The following GABPA variants were observed in gnomAD, a reference collection of about 807,000 sequenced individuals.
The protein encoded by GABPA is GA binding protein transcription factor subunit alpha.
Under a neutral mutation model 59.4 loss-of-function variants are expected in GABPA, and 4 were observed. The observed-to-expected ratio is 0.07, with a 90% CI of 0.03 to 0.15. The LOEUF (loss-of-function observed/expected upper bound fraction) is 0.15, where lower values mean the gene tolerates loss of function less well. Ranked by LOEUF, GABPA falls within the 10% of genes least tolerant of loss-of-function variation. The pLI, the probability that GABPA is intolerant of heterozygous loss-of-function variation, is 1.00. For missense variants in GABPA, 251 were observed against 543.8 expected, an observed-to-expected ratio of 0.46 and a Z score of 5.36; for synonymous variants, 164 against 183.1, an observed-to-expected ratio of 0.90 and a Z score of 0.84.
chr21:25,751,966 A>T (rs1397923442), intron 4 of GABPA, 23 bp from the exon 5 acceptor site: 10 of 1,590,654 alleles, frequency 6.3e-6, no homozygotes, highest in Non-Finnish European at 6.9e-6. Flanking sequence ...TAGATTTACA[A>T]TTTTTTTTTA....
chr21:25,763,417 G>A (rs2035812636), intron 7 of GABPA: 1 of 205,996 alleles, frequency 4.9e-6, no homozygotes, highest in South Asian at 8.5e-5. Context: ...GATACACAAA[G>A]AAAGTATAAC....
chr21:25,759,820 T>C (rs1456019863), intron 6 of GABPA, among the ~76,000 whole-genome samples: 1 of 152,196 alleles, frequency 6.6e-6, no homozygotes, highest in Admixed American at 6.5e-5. Context: ...CACTTTCTTA[T>C]AAGAAATCTC....
At chr21:25,740,649 G>C (rs1303663214) in intron 1 of GABPA, among the ~76,000 whole-genome samples, 1 of 152,104 alleles carries the variant, frequency 6.6e-6, no homozygotes, top group Non-Finnish European at 1.5e-5. Context: ...TTTTACATGG[G>C]ATAATTAAAA....
Position 25,769,227 on chromosome 21 carries a change from A to G in GABPA, c.1360A>G (p.Asn454Asp), listed in dbSNP as rs1430038156. The change falls in exon 10 of 10, where the codon AAT becomes GAT. Residue 454 changes from asparagine to aspartate, a missense_variant. Asn to Asp is a conservative substitution (Grantham distance 23, BLOSUM62 1). Coordinates refer to ENST00000400075, the MANE Select transcript of GABPA (RefSeq NM_002040.4). ...ATASLQTEKD[N>D] ...TGCTTCTCTGCAAACGGAAAAGGAT[A>G]ATTGAGCCCCAGGACATTCTGAGAC... The G allele has an allele frequency of 3.8e-6, 6 of 1,588,830 alleles. No individual in the cohort carries two copies. The highest frequency in any genetic ancestry group is 5.2e-6 in the Non-Finnish European group (6 of 1,157,316).
At chr21:25,745,957 A>T (rs963243280) in intron 3 of GABPA, among the ~76,000 whole-genome samples, 48 of 152,180 alleles carry the variant, frequency 3.2e-4, no homozygotes, top group African/African-American at 1.2e-3. Flanking sequence ...GATTGCCCAT[A>T]CAGTTTTCCA....
At chr21:25,745,165 AGGGT>A in intron 2 of GABPA, 41 bp from the exon 3 acceptor site, 1 of 1,596,262 alleles carries the variant, frequency 6.3e-7, no homozygotes, top group Non-Finnish European at 8.5e-7. Context: ...TTTGAAATCC[AGGGT>A]AAAAAATGTA....
Position 25,771,935 on chromosome 21 carries a change from G to T in GABPA, c.*2703G>T, listed in dbSNP as rs1214893330. 1 of 151,984 alleles carries T rather than the reference G, an allele frequency of 6.6e-6. No individual in the cohort carries two copies. Among genetic ancestry groups the T allele is most frequent in the African/African-American group, 2.4e-5 (1 of 41,426 alleles). 9.4% of individuals were successfully genotyped at this position (151,984 alleles called of 1,614,324 possible). ...AAATTGACTGATCACAGTTATTTTTGTATCAGTCTATGTTATTAGGAAAAA... is the reference window on the plus strand; with the variant it reads ...AAATTGACTGATCACAGTTATTTTTTTATCAGTCTATGTTATTAGGAAAAA... On this transcript the variant is annotated 3_prime_UTR_variant, in exon 10 of 10. Coordinates refer to ENST00000400075, the MANE Select transcript of GABPA (RefSeq NM_002040.4).
At position 25,762,301 on chromosome 21, in the gene GABPA, GT is replaced by G; in HGVS notation, c.749-4del. 6.6e-7 allele frequency: 1 copy of G among 1,518,398 alleles called. No homozygotes were observed. The highest frequency in any genetic ancestry group is 8.9e-7 in the Non-Finnish European group (1 of 1,121,602). 94.1% of individuals were successfully genotyped at this position (1,518,398 alleles called of 1,614,324 possible). ...TTTTAAATAAAAACAAAAAATTTTT[GT>G]TTTTTTCAGATGTATTGGCAAGTCA... On this transcript the variant is annotated splice_polypyrimidine_tract_variant and intron_variant, in intron 6 of 9. Transcript: ENST00000400075.
At position 25,735,095 on chromosome 21, in the gene GABPA, A is replaced by C; in HGVS notation, c.-510A>C. 3 of 830,336 alleles carry C rather than the reference A, an allele frequency of 3.6e-6. No individual in the cohort carries two copies. The highest frequency in any genetic ancestry group is 6.0e-6 in the Non-Finnish European group (3 of 503,588). 51.4% of individuals were successfully genotyped at this position (830,336 alleles called of 1,614,324 possible). On this transcript the variant is annotated 5_prime_UTR_variant, in exon 1 of 10. Transcript: ENST00000400075. Reference sequence around the variant, plus strand: ...GGTAAGTGCTTCCGGGTCCCCTGGCACAGCCTCCGCCATCTTTTCTTCGCC... The same window carrying C: ...GGTAAGTGCTTCCGGGTCCCCTGGCCCAGCCTCCGCCATCTTTTCTTCGCC...
chr21:25,765,467 TCA>T (rs912209822), intron 9 of GABPA, among the ~76,000 whole-genome samples: 1 of 151,828 alleles, frequency 6.6e-6, no homozygotes, highest in East Asian at 1.9e-4. Flanking sequence ...ATAATTTAGC[TCA>T]CACACACACA....
rs537398391 is a variant in GABPA, at chr21:25,735,132, G to C, written c.-473G>C. 5 of 690,158 alleles carry C rather than the reference G, an allele frequency of 7.2e-6. No individual in the cohort carries two copies. In the East Asian group the frequency reaches 1.1e-4, roughly 15 times the overall value. The allele number at this position is 690,158 out of a possible 1,614,324, so 42.8% of individuals were successfully genotyped here. On this transcript the variant is annotated 5_prime_UTR_variant, in exon 1 of 10. Coordinates refer to ENST00000400075, the MANE Select transcript of GABPA (RefSeq NM_002040.4). ...ATCTTTTCTTCGCCTAATTTGACCCGTTCTTTTTCCCCTCCTTGAAACCTT... is the reference window on the plus strand; with the variant it reads ...ATCTTTTCTTCGCCTAATTTGACCCCTTCTTTTTCCCCTCCTTGAAACCTT...
rs2035221811 is a variant in GABPA, at chr21:25,741,556, A to G, written c.-26-17A>G. 1 of 1,375,226 alleles carries G rather than the reference A, an allele frequency of 7.3e-7. No homozygotes were observed. The highest frequency in any genetic ancestry group is 1.5e-5 in the African/African-American group (1 of 68,238). 85.2% of individuals were successfully genotyped at this position (1,375,226 alleles called of 1,614,324 possible). On this transcript the variant is annotated splice_polypyrimidine_tract_variant and intron_variant, in intron 1 of 9. Transcript: ENST00000400075. The stretch of plus-strand genomic sequence containing the variant: ...ATGTGGATAGTTTTAAAATATCTTA[A>G]AAAGTCACTCTTGCAGGACTGATCC...
At position 25,764,751 on chromosome 21, in the gene GABPA, C is replaced by T; in HGVS notation, c.1100C>T (p.Pro367Leu). 1 of 1,602,962 alleles carries T rather than the reference C, an allele frequency of 6.2e-7. No individual in the cohort carries two copies. The highest frequency in any genetic ancestry group is 8.5e-7 in the Non-Finnish European group (1 of 1,176,802). ...AQKWGQRKNK[P>L]TMNYEKLSRA... ...AAATGGGGACAGCGTAAAAATAAGC[C>T]TACGATGAACTATGAGAAACTCAGT... The change falls in exon 9 of 10, where the codon CCT becomes CTT. Residue 367 changes from proline to leucine, a missense_variant. Pro to Leu is a moderately conservative substitution (Grantham distance 98). Around this residue, in one of 4 missense-constraint regions of GABPA, gnomAD observed 21 missense variants for 79.8 expected, o/e 0.26. Transcript: ENST00000400075.
rs887192030 is a variant in GABPA at position 25,771,309 on chromosome 21, A to G, written c.*2077A>G. The G allele has an allele frequency of 2.0e-5, 3 of 151,030 alleles. No homozygotes were observed. The highest frequency in any genetic ancestry group is 7.3e-5 in the African/African-American group (3 of 41,314). The allele number at this position is 151,030 out of a possible 1,614,324, so 9.4% of individuals were successfully genotyped here. ...ACATTACTTTTAGATCCCTAGAATG[A>G]AAATTTTTTTCTCATCTATGCAATT... is the stretch of plus-strand genomic sequence containing the variant. On this transcript the variant is annotated 3_prime_UTR_variant, in exon 10 of 10. Transcript: ENST00000400075.
At chr21:25,744,838 G>A (rs1267849602) in intron 2 of GABPA, among the ~76,000 whole-genome samples, 1 of 152,066 alleles carries the variant, frequency 6.6e-6, no homozygotes, top group Non-Finnish European at 1.5e-5. Context: ...ATGGCATACA[G>A]ATTTTGAGGA....
Position 25,769,013 on chromosome 21 carries a change from C to T in GABPA, c.1146C>T (p.Tyr382=), listed in dbSNP as rs1294087428. Residue 382 remains tyrosine (Y), a synonymous_variant, in exon 10 of 10, where the codon TAC becomes TAT. Transcript: ENST00000400075. ...TTTTCTCTTTTTGAAGATATTATTA[C>T]GATGGGGACATGATTTGTAAAGTTC... The part of the protein sequence containing the change: ...EKLSRALRYY[Y]DGDMICKVQG... 1.6e-5 allele frequency: 26 copies of T among 1,607,616 alleles called. No homozygotes were observed. Among genetic ancestry groups the T allele is most frequent in the South Asian group, 7.7e-5 (7 of 90,334 alleles).
At chr21:25,767,355 A>G (rs1440499105) in intron 9 of GABPA, among the ~76,000 whole-genome samples, 1 of 152,038 alleles carries the variant, frequency 6.6e-6, no homozygotes, top group Non-Finnish European at 1.5e-5. Context: ...AAAAGTTTAA[A>G]AAAATACAAG....
rs780429739 is a variant in GABPA, at chr21:25,734,981, A to G, written c.-624A>G. The G allele has an allele frequency of 5.1e-6, 8 of 1,560,126 alleles. No homozygotes were observed. The highest frequency in any genetic ancestry group is 3.5e-5 in the South Asian group (3 of 84,814). ...TATGGGCCGCCGTTTCAGTCGGTCGACGCTCACCGGACAGGAAGCGTCTCG... is the reference window on the plus strand; with the variant it reads ...TATGGGCCGCCGTTTCAGTCGGTCGGCGCTCACCGGACAGGAAGCGTCTCG... On this transcript the variant is annotated 5_prime_UTR_variant, in exon 1 of 10. Transcript: ENST00000400075.
At chr21:25,740,894 A>G (rs1033852002) in intron 1 of GABPA, among the ~76,000 whole-genome samples, 3 of 152,200 alleles carry the variant, frequency 2.0e-5, no homozygotes, top group Non-Finnish European at 4.4e-5. Flanking sequence ...CTAAGGTACA[A>G]CTTTCAGCTG....
Sources: allele counts gnomAD v4.1 joint callset (sites outside exome capture counted in the v4.1 genomes callset), GRCh38; gene constraint gnomAD v4.1.1; regional missense constraint gnomAD v4.1.1; transcripts MANE v1.5; gene names NCBI Gene and HGNC (gene_info 2026-07-23, HGNC 2026-07-21).